Variants in CLVS1 observed in about 807,000 individuals in gnomAD.
CLVS1 encodes the protein clavesin-1.
CLVS1 carries 10 observed loss-of-function variants against 33.1 expected under a neutral mutation model. The observed-to-expected ratio is 0.30, with a 90% CI of 0.19 to 0.51. CLVS1 has a LOEUF of 0.51. Ranked by LOEUF, CLVS1 falls within the 20% of genes least tolerant of loss-of-function variation. The pLI, the probability that CLVS1 is intolerant of heterozygous loss-of-function variation, is 0.97. For missense variants in CLVS1, 343 were observed against 433.4 expected (o/e 0.79, Z 1.85); for synonymous variants, 163 against 166.1 (o/e 0.98, Z 0.14).
intron 1 of CLVS1, among the ~76,000 whole-genome samples, chr8:61,119,856 G>C (rs1805819413): frequency 7.8e-6 from 1 of 127,530 alleles, no homozygotes; most frequent in African/African-American, 3.2e-5. Context: ...GTGTCTTGGA[G>C]TTGCTCTTCT....
chr8:61,406,106 A>C (rs568414902), intron 3 of CLVS1, among the ~76,000 whole-genome samples: 1 of 152,350 alleles, frequency 6.6e-6, no homozygotes, highest in African/African-American at 2.4e-5. Flanking sequence ...TTTATCAGCC[A>C]AACACTCTAC....
intron 2 of CLVS1, among the ~76,000 whole-genome samples, chr8:61,219,679 G>A (rs1322928811): frequency 1.3e-5 from 2 of 152,136 alleles, no homozygotes; most frequent in East Asian, 3.8e-4. Context: ...TGGGATTGCT[G>A]GGTCAAATGA....
chr8:61,295,757 A>G (rs192388070), intron 1 of CLVS1, among the ~76,000 whole-genome samples: 253 of 152,240 alleles, frequency 1.7e-3, no homozygotes, highest in Non-Finnish European at 2.9e-3. Flanking sequence ...TGTCTGTGTA[A>G]TTTGGGGCAA....
chr8:61,086,615 C>G (rs1180689521), intron 1 of CLVS1, among the ~76,000 whole-genome samples: 1 of 150,380 alleles, frequency 6.6e-6, no homozygotes, highest in Admixed American at 6.6e-5. Flanking sequence ...TTTTTTTTTT[C>G]AAGTTGGCAT....
At chr8:61,038,325 T>C in the CLVS1 span, among the ~76,000 whole-genome samples, 1 of 151,954 alleles carries the variant, frequency 6.6e-6, no homozygotes, top group South Asian at 2.1e-4. Context: ...TCTTTGCTGG[T>C]GTTTCCCATA....
intron 2 of CLVS1, among the ~76,000 whole-genome samples, chr8:61,135,052 C>T (rs1806166752): frequency 1.3e-5 from 2 of 151,580 alleles, no homozygotes; most frequent in South Asian, 2.1e-4. Flanking sequence ...ACACACAAGG[C>T]TTTGAGTGGC....
rs557201599 is a variant in CLVS1 at position 61,476,543 on chromosome 8, T to G, written c.977+18001T>G. On this transcript the variant is annotated intron_variant, in intron 5 of 5. Transcript: ENST00000325897. ...TTGTAAGTTGGATTCCTAGGTATTT[T>G]ATTCTCTTTGAAGCAATTGTGAATG... is the stretch of plus-strand genomic sequence containing the variant. Among the ~76,000 whole-genome samples the G allele has an allele frequency of 7.8e-3, 1,185 of 152,330 alleles. 8 individuals are homozygous for G. The highest frequency in any genetic ancestry group is 0.025 in the African/African-American group (1,059 of 41,568).
intron 2 of CLVS1, among the ~76,000 whole-genome samples, chr8:61,185,372 T>G (rs542456264): frequency 6.6e-6 from 1 of 151,702 alleles, no homozygotes; most frequent in African/African-American, 2.4e-5. Context: ...CAGGCTGGTC[T>G]TCAACTCCTG....
At chr8:61,289,659 G>A (rs1405381502) in intron 1 of CLVS1, among the ~76,000 whole-genome samples, 4 of 152,164 alleles carry the variant, frequency 2.6e-5, no homozygotes, top group South Asian at 2.1e-4. Flanking sequence ...TAAAATTGTC[G>A]TTGTGTATTT....
intron 5 of CLVS1, among the ~76,000 whole-genome samples, chr8:61,499,011 C>T (rs1421052303): frequency 6.6e-6 from 1 of 152,098 alleles, no homozygotes; most frequent in Non-Finnish European, 1.5e-5. Context: ...CAGAGTGTGG[C>T]TAGAATACAT....
Position 61,121,510 on chromosome 8 carries a change from A to C in CLVS1, c.-242-10260A>C, listed in dbSNP as rs1805871081. Among the ~76,000 whole-genome samples the C allele has an allele frequency of 5.9e-5, 9 of 152,194 alleles. 1 individual carries two copies. Among genetic ancestry groups the C allele is most frequent in the Admixed American group, 5.9e-4 (9 of 15,264 alleles). ...GCGTGTATTGGAATATATTCCAGGA[A>C]GAATCATTGAAACATGTTTGTCTTG... On this transcript the variant is annotated intron_variant, in intron 1 of 2. Transcript: ENST00000522621.
intron 2 of CLVS1, among the ~76,000 whole-genome samples, chr8:61,207,705 T>C (rs1807884576): frequency 3.9e-5 from 6 of 152,172 alleles, no homozygotes; most frequent in Admixed American, 3.9e-4. Flanking sequence ...ATTTGCATAT[T>C]GGGTTTTGGT....
chr8:61,114,178 A>G (rs1261315246), intron 1 of CLVS1, among the ~76,000 whole-genome samples: 1 of 152,228 alleles, frequency 6.6e-6, no homozygotes, highest in Non-Finnish European at 1.5e-5. Flanking sequence ...GTTTCTTTCA[A>G]TCATTTAAAA....
the CLVS1 span, among the ~76,000 whole-genome samples, chr8:61,043,694 C>T: frequency 5.1e-4 from 77 of 152,316 alleles, no homozygotes; most frequent in South Asian, 1.2e-3. Context: ...TGCTCTCTGT[C>T]ACAAGATAGC....
chr8:61,098,046 G>A (rs1041533788), intron 1 of CLVS1, among the ~76,000 whole-genome samples: 2 of 152,168 alleles, frequency 1.3e-5, no homozygotes, highest in Non-Finnish European at 2.9e-5. Flanking sequence ...GTAAGTCCTA[G>A]CTATTTGGGA....
At chr8:61,352,555 A>G (rs995073193) in intron 2 of CLVS1, among the ~76,000 whole-genome samples, 1 of 152,050 alleles carries the variant, frequency 6.6e-6, no homozygotes, top group Non-Finnish European at 1.5e-5. Context: ...ACGTAGACTG[A>G]AAGTAAAAAG....
chr8:61,222,040 T>C (rs1406737873), intron 2 of CLVS1, among the ~76,000 whole-genome samples: 1 of 152,192 alleles, frequency 6.6e-6, no homozygotes, highest in Non-Finnish European at 1.5e-5. Context: ...TGCTTTATCA[T>C]TTTTTATTGT....
At chr8:60,991,241 G>A in the CLVS1 span, among the ~76,000 whole-genome samples, 1 of 152,112 alleles carries the variant, frequency 6.6e-6, no homozygotes, top group Non-Finnish European at 1.5e-5. Flanking sequence ...CACTGTGCAT[G>A]GTATGCTACT....
At chr8:61,283,810 A>T (rs192228676), upstream of CLVS1, among the ~76,000 whole-genome samples, 407 of 152,342 alleles carry the variant, frequency 2.7e-3, 2 homozygotes, top group African/African-American at 9.0e-3. Flanking sequence ...GAATTAAAAA[A>T]TAAATTGTGT....
Sources: gnomAD v4.1 joint callset for allele counts (sites outside exome capture counted in the v4.1 genomes callset) on GRCh38, gnomAD v4.1.1 for gene constraint, MANE v1.5 for transcripts, NCBI Gene and HGNC (gene_info 2026-07-23, HGNC 2026-07-21) for gene names.